VTCN1: variants seen among roughly 807,000 people sequenced by gnomAD.
VTCN1 encodes V-set domain containing T cell activation inhibitor 1.
In VTCN1, 26 loss-of-function variants were observed where a neutral mutation model predicts 26.5. The ratio of observed to expected loss-of-function variants is 0.98; its 90% CI spans 0.72 to 1.36. The LOEUF is 1.36. VTCN1 is among the 40% of genes most tolerant of loss of function. The probability of loss-of-function intolerance (pLI) is 0.00; values close to 1 mark genes in which losing one functional copy is unlikely to be tolerated. For synonymous variants in VTCN1, 116 were observed against 130.7 expected (o/e 0.89, Z 0.77); for missense variants, 298 against 337.7 (o/e 0.88, Z 0.92).
intron 1 of VTCN1, among the ~76,000 whole-genome samples, chr1:117,208,826 A>G (rs1649223367): frequency 6.6e-6 from 1 of 152,210 alleles, no homozygotes. Flanking sequence ...CTCTCTGGAA[A>G]TTATGAATAC....
intron 1 of VTCN1, among the ~76,000 whole-genome samples, chr1:117,206,636 T>C (rs1649085855): frequency 1.3e-5 from 2 of 149,978 alleles, no homozygotes; most frequent in South Asian, 4.3e-4. Flanking sequence ...CGAACCCTGG[T>C]GAGGGAAACA....
intron 1 of VTCN1, among the ~76,000 whole-genome samples, chr1:117,179,138 G>T (rs940214022): frequency 6.6e-6 from 1 of 152,154 alleles, no homozygotes; most frequent in African/African-American, 2.4e-5. Context: ...CTCAAACTCC[G>T]TACTACGAAC....
Position 117,197,311 on chromosome 1 carries a change from C to T in VTCN1, c.32+13513G>A, listed in dbSNP as rs187988493. On this transcript the variant is annotated intron_variant, in intron 1 of 5. Transcript: ENST00000369458. ...CTAAAGAGAAGTAGCAATGTTCACACCCCTCCCCCTTCTCATTGCTCTCAG... is the reference window on the plus strand; with the variant it reads ...CTAAAGAGAAGTAGCAATGTTCACATCCCTCCCCCTTCTCATTGCTCTCAG... Among the ~76,000 whole-genome samples, 11 of 152,198 alleles carry T rather than the reference C, an allele frequency of 7.2e-5. No homozygotes were observed. In the East Asian group the frequency reaches 2.1e-3, roughly 29 times the overall value.
At chr1:117,151,549 A>G (rs901889948) in intron 4 of VTCN1, among the ~76,000 whole-genome samples, 2 of 152,006 alleles carry the variant, frequency 1.3e-5, no homozygotes, top group Non-Finnish European at 2.9e-5. Context: ...GGTCCATTTT[A>G]CAGAGCGCTG....
At chr1:117,160,617 T>A (rs1027821951) in intron 2 of VTCN1, among the ~76,000 whole-genome samples, 5 of 152,250 alleles carry the variant, frequency 3.3e-5, no homozygotes, top group Non-Finnish European at 7.3e-5. Flanking sequence ...CTTTGCAGCC[T>A]TCTCTCCAAC....
Position 117,146,462 on chromosome 1 carries a change from C to T in VTCN1, c.*45+1151G>A, listed in dbSNP as rs540287225. The stretch of plus-strand genomic sequence containing the variant: ...AATGTAGGCAAGGAATACATGTACC[C>T]TGGAGAGTGTAAGACATAAATCATA... On this transcript the variant is annotated intron_variant, in intron 5 of 5. Coordinates refer to ENST00000369458, the MANE Select transcript of VTCN1 (RefSeq NM_024626.4). This position sits in a 1 kb window ranked among gnomAD's most constrained non-coding sequence, Gnocchi z 4.2. Among the ~76,000 whole-genome samples, 2 of 152,310 alleles carry T rather than the reference C, an allele frequency of 1.3e-5. No individual in the cohort carries two copies. The highest frequency in any genetic ancestry group is 4.8e-5 in the African/African-American group (2 of 41,568).
intron 2 of VTCN1, among the ~76,000 whole-genome samples, chr1:117,164,923 G>C (rs988679418): frequency 2.0e-5 from 3 of 152,208 alleles, no homozygotes; most frequent in African/African-American, 7.2e-5. Context: ...TATGTTTTCT[G>C]GGGTTTTTAT....
At chr1:117,151,481 C>G (rs926964401) in intron 4 of VTCN1, among the ~76,000 whole-genome samples, 1 of 152,202 alleles carries the variant, frequency 6.6e-6, no homozygotes, top group Non-Finnish European at 1.5e-5. Context: ...GTTGCTGCTG[C>G]TGGCTCCAGT....
chr1:117,177,724 A>T (rs1935783), intron 1 of VTCN1, among the ~76,000 whole-genome samples: 1 of 151,548 alleles, frequency 6.6e-6, no homozygotes, highest in Admixed American at 6.6e-5. Context: ...AAAGCACAGG[A>T]CCCAGAATTA....
Position 117,167,379 on chromosome 1 carries a change from A to G in VTCN1, c.97+2728T>C, listed in dbSNP as rs1652675512. Among the ~76,000 whole-genome samples the G allele has an allele frequency of 6.6e-6, 1 of 152,202 alleles. No individual in the cohort carries two copies. The highest frequency in any genetic ancestry group is 6.5e-5 in the Admixed American group (1 of 15,280). ...ACCTGCTTACTTGTCCCCAAAGGTA[A>G]TAAGAACCATTATTCTACCTTTGAC... is the stretch of plus-strand genomic sequence containing the variant. On this transcript the variant is annotated intron_variant, in intron 2 of 5. Transcript: ENST00000369458. The surrounding 1 kb of genome is among the most constrained non-coding windows in gnomAD (Gnocchi z 4.1).
intron 1 of VTCN1, chr1:117,203,721 G>A: frequency 1.0e-6 from 1 of 985,322 alleles, no homozygotes. Context: ...GATCCCAGGT[G>A]AAATTTATAT....
intron 1 of VTCN1, among the ~76,000 whole-genome samples, chr1:117,207,107 G>A (rs1649107578): frequency 6.6e-6 from 1 of 152,142 alleles, no homozygotes; most frequent in South Asian, 2.1e-4. Flanking sequence ...GGTCTGAGAT[G>A]TCTGAGCCAG....
At chr1:117,192,253 T>G (rs997441378) in intron 1 of VTCN1, among the ~76,000 whole-genome samples, 2 of 152,036 alleles carry the variant, frequency 1.3e-5, no homozygotes, top group Admixed American at 6.6e-5. Flanking sequence ...ATATTCAAAG[T>G]GCTGGAAGAA....
rs1647290118 is a variant in VTCN1 at position 117,175,581 on chromosome 1, C to G, written c.33-5410G>C. Among the ~76,000 whole-genome samples, 1 of 152,208 alleles carries G rather than the reference C, an allele frequency of 6.6e-6. No homozygotes were observed. The highest frequency in any genetic ancestry group is 1.5e-5 in the Non-Finnish European group (1 of 68,030). ...CTCATTCTATTCTGCTATTTCAACT[C>G]TCCTTGCTTTGAAAGAAAAGGCATG... On this transcript the variant is annotated intron_variant, in intron 1 of 5. Transcript: ENST00000369458. The surrounding 1 kb of genome is among the most constrained non-coding windows in gnomAD (Gnocchi z 4.2).
At chr1:117,152,680 G>A (rs1651859355) in intron 4 of VTCN1, among the ~76,000 whole-genome samples, 1 of 151,430 alleles carries the variant, frequency 6.6e-6, no homozygotes, top group South Asian at 2.1e-4. Flanking sequence ...CTCAAAGGCA[G>A]GGTGGAAGCA....
intron 1 of VTCN1, among the ~76,000 whole-genome samples, chr1:117,180,612 A>G (rs779411379): frequency 1.3e-5 from 2 of 152,256 alleles, no homozygotes; most frequent in African/African-American, 2.4e-5. Flanking sequence ...GTGAACAAAA[A>G]CAGCCTAATT....
intron 2 of VTCN1, 95 bp from the exon 3 acceptor site, chr1:117,157,016 G>A (rs1413932324): frequency 6.2e-7 from 1 of 1,602,374 alleles, no homozygotes; most frequent in Non-Finnish European, 8.5e-7. Flanking sequence ...AGACTTCTGT[G>A]ATAAATTAAA....
At chr1:117,152,069 G>T (rs1269480799) in intron 4 of VTCN1, among the ~76,000 whole-genome samples, 2 of 152,084 alleles carry the variant, frequency 1.3e-5, no homozygotes, top group African/African-American at 4.8e-5. Context: ...GATTTTTGTT[G>T]TTGTTGAGTT....
In VTCN1 at chr1:117,144,510, G is replaced by A. The variant is rs1171772055; in HGVS notation, c.*761C>T. 6.6e-6 allele frequency: 1 copy of A among 152,168 alleles called. No individual in the cohort carries two copies. The highest frequency in any genetic ancestry group is 1.5e-5 in the Non-Finnish European group (1 of 68,038). The allele number at this position is 152,168 out of a possible 1,614,324, so 9.4% of individuals were successfully genotyped here. ...TGACATAATGCCATATAGACAAGGTGAAAGGTCCTTCCCTGGACCATTCAC... is the reference window on the plus strand; with the variant it reads ...TGACATAATGCCATATAGACAAGGTAAAAGGTCCTTCCCTGGACCATTCAC... On this transcript the variant is annotated 3_prime_UTR_variant, in exon 6 of 6. Transcript: ENST00000369458.
Sources: allele counts gnomAD v4.1 joint callset (sites outside exome capture counted in the v4.1 genomes callset), GRCh38; gene constraint gnomAD v4.1.1; non-coding constraint Gnocchi (gnomAD v3.1); transcripts MANE v1.5; gene names NCBI Gene and HGNC (gene_info 2026-07-23, HGNC 2026-07-21).